Variants in EME1 observed in about 807,000 individuals in gnomAD.
EME1 encodes structure-specific endonuclease subunit EME1.
A neutral mutation model predicts 59.1 loss-of-function variants in EME1; 61 were observed. The observed-to-expected ratio is 1.03, with a 90% CI of 0.84 to 1.28. The LOEUF is 1.28. Among genes scored for constraint, EME1 ranks in the 50% most tolerant of loss-of-function variants. The pLI is 0.00. For synonymous variants in EME1, 230 were observed against 254.2 expected (o/e 0.90, Z 0.90); for missense variants, 635 against 682.6 (o/e 0.93, Z 0.78).
At chr17:50,376,603 A>G (rs966257373) in intron 3 of EME1, among the ~76,000 whole-genome samples, 2 of 152,190 alleles carry the variant, frequency 1.3e-5, no homozygotes, top group Non-Finnish European at 2.9e-5. Context: ...ATTTGTGGGG[A>G]AAAATCACCC....
chr17:50,378,638 T>C lies in EME1; in HGVS notation c.947T>C (p.Leu316Pro). The C allele has an allele frequency of 6.2e-7, 1 of 1,614,038 alleles. No homozygotes were observed. Among genetic ancestry groups the C allele is most frequent in the Admixed American group, 1.7e-5 (1 of 60,006 alleles). The change falls in exon 4 of 9, where the codon CTC becomes CCC. Residue 316 changes from leucine to proline, a missense_variant. Leu to Pro is a moderately conservative substitution (Grantham distance 98). Coordinates refer to ENST00000338165, the MANE Select transcript of EME1 (RefSeq NM_152463.4). ...WVEEPTVLVLLRAEAFVSMID... is the reference protein window; with the variant it reads ...WVEEPTVLVLPRAEAFVSMID... ...GAGGAGCCAACAGTACTGGTGTTGCTCCGGGCAGAGGCATTTGTGTCCATG... is the reference window on the plus strand; with the variant it reads ...GAGGAGCCAACAGTACTGGTGTTGCCCCGGGCAGAGGCATTTGTGTCCATG...
chr17:50,380,462 A>G lies in EME1; in HGVS notation c.1497A>G (p.Ala499=). 6.2e-7 allele frequency: 1 copy of G among 1,614,124 alleles called. No homozygotes were observed. Among genetic ancestry groups the G allele is most frequent in the Non-Finnish European group, 8.5e-7 (1 of 1,180,030 alleles). Residue 499 remains alanine (A), a synonymous_variant, in exon 8 of 9, where the codon GCA becomes GCG. Transcript: ENST00000338165. ...GAGTCAGCCTGGAAATGGCCAGTGCAGTTGTGAATGCCTATCCCTCCCCAC... is the reference window on the plus strand; with the variant it reads ...GAGTCAGCCTGGAAATGGCCAGTGCGGTTGTGAATGCCTATCCCTCCCCAC... The part of the protein sequence containing the change: ...LNRVSLEMAS[A]VVNAYPSPQL...
intron 3 of EME1, 142 bp downstream of exon 3, chr17:50,376,335 T>C (rs1336916942): frequency 1.5e-6 from 2 of 1,333,180 alleles, no homozygotes; most frequent in African/African-American, 1.5e-5. Flanking sequence ...TAAAAGAAGA[T>C]TGAATAAAGG....
At chr17:50,379,763 C>G (rs1450794818) in intron 7 of EME1, 196 bp downstream of exon 7, 1 of 570,714 alleles carries the variant, frequency 1.8e-6, no homozygotes. Context: ...CAAATATTCT[C>G]CTTTCGCCTA....
Position 50,380,794 on chromosome 17 carries a change from G to A in EME1, c.1568G>A (p.Arg523His), listed in dbSNP as rs745343002. The A allele has an allele frequency of 4.3e-6, 7 of 1,614,168 alleles. No individual in the cohort carries two copies. The South Asian group carries it at 4.4e-5, about 10-fold the overall frequency. ...CAGCAGTGTTTTTCGGATAAAGAAC[G>A]CCAGAATTTGCTCGCAGACATACAG... ...AYQQCFSDKE[R>H]QNLLADIQVR... is the part of the protein sequence containing the mutation. The change falls in exon 9 of 9, where the codon CGC becomes CAC. Residue 523 changes from arginine (R) to histidine (H), a missense_variant. Coordinates refer to ENST00000338165, the MANE Select transcript of EME1 (RefSeq NM_152463.4).
chr17:50,379,305 T>A lies in EME1; in HGVS notation c.1230+81T>A, dbSNP rs190369976. On this transcript the variant is annotated intron_variant, in intron 6 of 8. Transcript: ENST00000338165. ...TGCTATTGATAGAGAATAAAATGCC[T>A]GCTGCGTACTGTTTTCTGCCTTGGC... 71 of 1,598,924 alleles carry A rather than the reference T, an allele frequency of 4.4e-5. 1 individual carries two copies. The Middle Eastern group carries it at 8.7e-4, about 20-fold the overall frequency.
At chr17:50,375,108 A>G (rs962883465) in intron 1 of EME1, 77 bp from the exon 2 acceptor site, 15 of 1,156,076 alleles carry the variant, frequency 1.3e-5, no homozygotes, top group Non-Finnish European at 1.6e-5. Context: ...TTTATGTCAT[A>G]AAGCCTGGCT....
intron 7 of EME1, 146 bp from the exon 8 acceptor site, chr17:50,380,166 C>CA: frequency 2.7e-6 from 2 of 746,994 alleles, no homozygotes; most frequent in Non-Finnish European, 4.3e-6. Context: ...AGTGAGCACT[C>CA]AAATTGTCAA....
In EME1 at chr17:50,375,604, A is replaced by G. The variant is rs764264502; in HGVS notation, c.396A>G (p.Ser132=). The G allele has an allele frequency of 1.3e-6, 2 of 1,579,838 alleles. No homozygotes were observed. The highest frequency in any genetic ancestry group is 1.8e-5 in the Admixed American group (1 of 55,710). ...VLDHQNNEGA[S]CDWKKPFPKI... ...ATCATCAAAATAATGAAGGTGCATC[A>G]TGTGACTGGAAAAAGCCCTTTCCAA... The change falls in exon 2 of 9, where the codon TCA becomes TCG. Residue 132 remains serine (S), a synonymous_variant. Transcript: ENST00000338165.
In EME1 at chr17:50,375,794, C is replaced by A; in HGVS notation, c.586C>A (p.Gln196Lys). Residue 196 changes from glutamine (Q) to lysine (K), a missense_variant, in exon 2 of 9, where the codon CAG (glutamine) becomes AAG (lysine). Gln to Lys is a moderately conservative substitution (Grantham distance 53). Coordinates refer to ENST00000338165, the MANE Select transcript of EME1 (RefSeq NM_152463.4). ...TKTNSDILPP[Q>K]KKTKPSQKVQ... ...AACAAATTCTGACATCCTTCCACCCCAGAAGAAAACCAAGCCGAGTCAGAA... is the reference window on the plus strand; with the variant it reads ...AACAAATTCTGACATCCTTCCACCCAAGAAGAAAACCAAGCCGAGTCAGAA... 1 of 1,614,150 alleles carries A rather than the reference C, an allele frequency of 6.2e-7. No homozygotes were observed.
chr17:50,374,428 G>C (rs1183626560), intron 1 of EME1, among the ~76,000 whole-genome samples: 1 of 151,890 alleles, frequency 6.6e-6, no homozygotes, highest in Non-Finnish European at 1.5e-5. Context: ...TTGTAGAGAC[G>C]AGTTCTCACT....
At position 50,373,277 on chromosome 17, in the gene EME1, G is replaced by C; in HGVS notation, c.-25G>C. On this transcript the variant is annotated splice_region_variant and 5_prime_UTR_variant, in exon 1 of 9. Transcript: ENST00000338165. ...TGAAAGAGTGGCGGGAGAAGTTGCA[G>C]GTGAGCGTCCCCGGTCGCAGGCCTG... 6.6e-7 allele frequency: 1 copy of C among 1,508,698 alleles called. No individual in the cohort carries two copies. Among genetic ancestry groups the C allele is most frequent in the African/African-American group, 1.4e-5 (1 of 72,278 alleles). The allele number at this position is 1,508,698 out of a possible 1,614,324, so 93.5% of individuals were successfully genotyped here. A position where few individuals can be genotyped will look rare whatever the true frequency, so the allele number is the denominator to read the frequency against.
chr17:50,375,340 TG>T lies in EME1; in HGVS notation c.133del (p.Val45Ter). 1 of 1,614,168 alleles carries T rather than the reference TG, an allele frequency of 6.2e-7. No individual in the cohort carries two copies. The highest frequency in any genetic ancestry group is 8.5e-7 in the Non-Finnish European group (1 of 1,180,026). Reference sequence around the variant, plus strand: ...GACAGCCTGAAAGGGAAGAGAAGATTGTAGTGGTTGACATCTCAGATTGTGA... The same window carrying T: ...GACAGCCTGAAAGGGAAGAGAAGATTTAGTGGTTGACATCTCAGATTGTGA... The part of the protein sequence containing the change: ...RRQPEREEKI[V>X]VVDISDCEAS... On this transcript the variant is annotated frameshift_variant, in exon 2 of 9. Transcript: ENST00000338165. LOFTEE classifies it high-confidence loss of function.
rs367866395 is a variant in EME1 at position 50,379,453 on chromosome 17, C to T, written c.1232C>T (p.Ala411Val). The change falls in exon 7 of 9, where the codon GCA (alanine) becomes GTA (valine). Residue 411 changes from alanine (A) to valine (V), a missense_variant and splice_region_variant. Physicochemically the swap from Ala to Val is moderately conservative, Grantham distance 64. Transcript: ENST00000338165. ...CCATCGTTGCTTTTGGGTTTCTAGGCATTGGTGGATCTGCAGCTACACACA... is the reference window on the plus strand; with the variant it reads ...CCATCGTTGCTTTTGGGTTTCTAGGTATTGGTGGATCTGCAGCTACACACA... ...SMVSRVDAEEALVDLQLHTEA... is the reference protein window; with the variant it reads ...SMVSRVDAEEVLVDLQLHTEA... 6 of 1,613,816 alleles carry T rather than the reference C, an allele frequency of 3.7e-6. No individual in the cohort carries two copies. Among genetic ancestry groups the T allele is most frequent in the Non-Finnish European group, 5.1e-6 (6 of 1,179,914 alleles).
At chr17:50,376,875 A>G (rs1913500864) in intron 3 of EME1, among the ~76,000 whole-genome samples, 1 of 152,156 alleles carries the variant, frequency 6.6e-6, no homozygotes, top group Admixed American at 6.5e-5. Flanking sequence ...GGGAGCCAGA[A>G]GACATGTGGG....
intron 7 of EME1, chr17:50,379,813 G>C: frequency 2.2e-6 from 1 of 462,002 alleles, no homozygotes; most frequent in Non-Finnish European, 3.9e-6. Context: ...TCATAGGCCA[G>C]GTTACCATAG....
Position 50,375,605 on chromosome 17 carries a change from T to C in EME1, c.397T>C (p.Cys133Arg), listed in dbSNP as rs1567815023. Residue 133 changes from cysteine (C) to arginine (R), a missense_variant, in exon 2 of 9, where the codon TGT (cysteine) becomes CGT (arginine). Transcript: ENST00000338165. ...LDHQNNEGAS[C>R]DWKKPFPKIP... The stretch of plus-strand genomic sequence containing the variant: ...TCATCAAAATAATGAAGGTGCATCA[T>C]GTGACTGGAAAAAGCCCTTTCCAAA... 1 of 1,577,528 alleles carries C rather than the reference T, an allele frequency of 6.3e-7. No homozygotes were observed. Among genetic ancestry groups the C allele is most frequent in the African/African-American group, 1.7e-5 (1 of 57,866 alleles).
At chr17:50,378,019 A>G (rs930413533) in intron 3 of EME1, among the ~76,000 whole-genome samples, 2 of 151,398 alleles carry the variant, frequency 1.3e-5, no homozygotes, top group Non-Finnish European at 2.9e-5. Flanking sequence ...AGGCCTCCCA[A>G]AGTGCTGGGA....
intron 1 of EME1, 67 bp from the exon 2 acceptor site, chr17:50,375,118 T>C (rs1913385502): frequency 7.9e-7 from 1 of 1,264,758 alleles, no homozygotes; most frequent in African/African-American, 1.5e-5. Flanking sequence ...AAAGCCTGGC[T>C]ATGGAACACA....
Sources: gnomAD v4.1 joint callset for allele counts (sites outside exome capture counted in the v4.1 genomes callset) on GRCh38, gnomAD v4.1.1 for gene constraint, MANE v1.5 for transcripts, NCBI Gene and HGNC (gene_info 2026-07-23, HGNC 2026-07-21) for gene names.